The following PDE10A variants were observed in gnomAD, a reference collection of about 807,000 sequenced individuals.
PDE10A encodes the protein phosphodiesterase 10A.
Under a neutral mutation model 97.7 loss-of-function variants are expected in PDE10A, and 39 were observed. That is an observed-to-expected ratio of 0.40 (90% CI 0.31 to 0.52). The LOEUF (loss-of-function observed/expected upper bound fraction) is 0.52, where lower values mean the gene tolerates loss of function less well. Among genes scored for constraint, PDE10A ranks in the 20% least tolerant of loss-of-function variants. The pLI is 0.56. For synonymous variants in PDE10A, 371 were observed against 376.8 expected (o/e 0.98, Z 0.18); for missense variants, 731 against 1,047.8 (o/e 0.70, Z 4.17).
At chr6:165,449,267 TTGAA>T (rs1202558294) in intron 4 of PDE10A, among the ~76,000 whole-genome samples, 2 of 152,244 alleles carry the variant, frequency 1.3e-5, no homozygotes, top group East Asian at 3.8e-4. Flanking sequence ...TTCAGAATTA[TTGAA>T]TATTTTTTAA....
chr6:165,470,242 G>T (rs908814912), intron 3 of PDE10A, among the ~76,000 whole-genome samples: 3 of 152,118 alleles, frequency 2.0e-5, no homozygotes, highest in African/African-American at 7.2e-5. Context: ...ACTTGTTAGG[G>T]CCAAACAAAC....
intron 1 of PDE10A, among the ~76,000 whole-genome samples, chr6:165,827,884 A>G (rs1311404774): frequency 6.6e-6 from 1 of 152,164 alleles, no homozygotes; most frequent in East Asian, 1.9e-4. Flanking sequence ...TAGCTCCCAC[A>G]TATAAGTAAG....
intron 1 of PDE10A, among the ~76,000 whole-genome samples, chr6:165,952,722 A>G (rs1160590259): frequency 1.3e-5 from 2 of 152,228 alleles, no homozygotes; most frequent in Non-Finnish European, 2.9e-5. Context: ...GCCTGGCCTC[A>G]GGGCCCAGAA....
At chr6:165,901,850 A>G (rs1782118112) in intron 1 of PDE10A, among the ~76,000 whole-genome samples, 1 of 124,640 alleles carries the variant, frequency 8.0e-6, no homozygotes, top group African/African-American at 3.2e-5. Context: ...TGTTCTTCTC[A>G]TTTATTTGTC....
At chr6:165,786,886 G>A (rs1778512380) in intron 1 of PDE10A, among the ~76,000 whole-genome samples, 1 of 152,082 alleles carries the variant, frequency 6.6e-6, no homozygotes, top group African/African-American at 2.4e-5. Flanking sequence ...AAATTAGGTT[G>A]CTAATTTCAA....
intron 5 of PDE10A, among the ~76,000 whole-genome samples, chr6:165,446,668 T>G (rs567249677): frequency 6.6e-6 from 1 of 152,336 alleles, no homozygotes; most frequent in Admixed American, 6.5e-5. Flanking sequence ...CTATGTTCCA[T>G]GAAGGAGACT....
chr6:165,454,303 C>A (rs9459418), intron 3 of PDE10A, among the ~76,000 whole-genome samples: 49,399 of 151,992 alleles, frequency 0.33, 8,676 homozygotes, highest in African/African-American at 0.46. Context: ...TGATGCTGTA[C>A]AACTTAAGAA....
intron 1 of PDE10A, among the ~76,000 whole-genome samples, chr6:165,962,399 G>A (rs62425373): frequency 0.047 from 7,204 of 152,276 alleles, 222 homozygotes; most frequent in Middle Eastern, 0.12. Flanking sequence ...TGCACTTCTC[G>A]TCTTCAGGAA....
chr6:165,728,052 G>A (rs981920501), intron 1 of PDE10A, among the ~76,000 whole-genome samples: 2 of 152,128 alleles, frequency 1.3e-5, no homozygotes, highest in Non-Finnish European at 2.9e-5. Flanking sequence ...CCGAGCAATA[G>A]CCACCCACCC....
At chr6:165,338,120 C>G (rs1420707307) in intron 20 of PDE10A, among the ~76,000 whole-genome samples, 1 of 152,158 alleles carries the variant, frequency 6.6e-6, no homozygotes, top group South Asian at 2.1e-4. Flanking sequence ...TATTCAGGAT[C>G]CATTTCTAAT....
intron 2 of PDE10A, among the ~76,000 whole-genome samples, chr6:165,541,449 T>C (rs1783432843): frequency 6.6e-6 from 1 of 152,170 alleles, no homozygotes; most frequent in Admixed American, 6.6e-5. Flanking sequence ...AAAACAAAGA[T>C]TTGGGAGGTA....
chr6:165,567,325 C>T (rs939750084), intron 1 of PDE10A, among the ~76,000 whole-genome samples: 1 of 152,160 alleles, frequency 6.6e-6, no homozygotes, highest in Non-Finnish European at 1.5e-5. Context: ...TCAGTATTAT[C>T]TCTATTTTTC....
chr6:165,458,060 G>C (rs1778066078), intron 3 of PDE10A, among the ~76,000 whole-genome samples: 1 of 152,068 alleles, frequency 6.6e-6, no homozygotes, highest in Non-Finnish European at 1.5e-5. Context: ...GCATAAAAAG[G>C]AGCTCCTCAG....
At chr6:165,557,801 T>C (rs1784332042) in intron 1 of PDE10A, among the ~76,000 whole-genome samples, 1 of 152,232 alleles carries the variant, frequency 6.6e-6, no homozygotes. Context: ...GCATTGTATT[T>C]TGTTTTAGGA....
At position 165,406,015 on chromosome 6, in the gene PDE10A, C is replaced by T. The variant is rs144893372; in HGVS notation, c.2076+7486G>A. Among the ~76,000 whole-genome samples, 318 of 151,762 alleles carry T rather than the reference C, an allele frequency of 2.1e-3. 2 individuals carry two copies. Among genetic ancestry groups the T allele is most frequent in the African/African-American group, 7.2e-3 (298 of 41,378 alleles). ...GAGTGATTAATGCTTATGTGTGGAA[C>T]GAACAAATGTCCATGTCAGTTATAA... On this transcript the variant is annotated intron_variant, in intron 13 of 21. Coordinates refer to ENST00000539869, the MANE Select transcript of PDE10A (RefSeq NM_001385079.1).
intron 1 of PDE10A, among the ~76,000 whole-genome samples, chr6:165,786,965 A>G (rs2128462779): frequency 6.6e-6 from 1 of 152,330 alleles, no homozygotes; most frequent in South Asian, 2.1e-4. Flanking sequence ...GTGTTTATTA[A>G]CATTTCTTTG....
chr6:165,694,504 G>T (rs1282898801), intron 1 of PDE10A, among the ~76,000 whole-genome samples: 1 of 152,226 alleles, frequency 6.6e-6, no homozygotes, highest in Non-Finnish European at 1.5e-5. Context: ...CCTCAACTCT[G>T]AGTCCCTAAG....
intron 1 of PDE10A, among the ~76,000 whole-genome samples, chr6:165,795,129 A>G (rs1363260542): frequency 6.6e-6 from 1 of 152,170 alleles, no homozygotes; most frequent in Non-Finnish European, 1.5e-5. Context: ...ATCTTCAGGG[A>G]CCTGAACTGA....
intron 1 of PDE10A, among the ~76,000 whole-genome samples, chr6:165,931,833 G>C (rs1484602459): frequency 6.6e-6 from 1 of 152,168 alleles, no homozygotes; most frequent in Non-Finnish European, 1.5e-5. Context: ...CCAGTGTGTG[G>C]CGCCCTCCTG....
Sources: allele counts gnomAD v4.1 joint callset (sites outside exome capture counted in the v4.1 genomes callset), GRCh38; gene constraint gnomAD v4.1.1; transcripts MANE v1.5; gene names NCBI Gene and HGNC (gene_info 2026-07-23, HGNC 2026-07-21).